KANSL1L: variants seen among roughly 807,000 people sequenced by gnomAD.
The protein encoded by KANSL1L is KAT8 regulatory NSL complex subunit 1 like.
In KANSL1L, 25 loss-of-function variants were observed where a neutral mutation model predicts 108.6. The observed-to-expected ratio is 0.23, with a 90% CI of 0.17 to 0.32. KANSL1L has a LOEUF of 0.32. Ranked by LOEUF, KANSL1L falls within the 10% of genes least tolerant of loss-of-function variation. KANSL1L has a pLI of 1.00. For synonymous variants in KANSL1L, 405 were observed against 395.1 expected, an observed-to-expected ratio of 1.03 and a Z score of -0.30; for missense variants, 1,137 against 1,125.7, an observed-to-expected ratio of 1.01 and a Z score of -0.14.
chr2:210,115,269 CAG>C (rs2094943410), intron 3 of KANSL1L, among the ~76,000 whole-genome samples: 1 of 151,906 alleles, frequency 6.6e-6, no homozygotes, highest in African/African-American at 2.4e-5. Context: ...TCAGACAAAA[CAG>C]ATTTTAAATT....
chr2:210,078,201 T>C (rs191935177), intron 5 of KANSL1L, among the ~76,000 whole-genome samples: 35 of 152,322 alleles, frequency 2.3e-4, no homozygotes, highest in African/African-American at 7.0e-4. Flanking sequence ...TGCATTGCTC[T>C]ACAACATTAT....
Position 210,153,882 on chromosome 2 carries a change from A to G in KANSL1L, c.701T>C (p.Leu234Ser), listed in dbSNP as rs2095318553. ...LLHCVSKQKI[L>S]LSQARRTQKH... ...CTGAGTTCTTCTAGCCTGGCTAAGT[A>G]AAATTTTCTGTTTGCTTACACAATG... The change falls in exon 2 of 15, where the codon TTA becomes TCA. Residue 234 changes from leucine to serine, a missense_variant. Coordinates refer to ENST00000281772, the MANE Select transcript of KANSL1L (RefSeq NM_152519.4). The G allele has an allele frequency of 6.2e-7, 1 of 1,612,486 alleles. No homozygotes were observed. Among genetic ancestry groups the G allele is most frequent in the Non-Finnish European group, 8.5e-7 (1 of 1,179,668 alleles).
intron 3 of KANSL1L, among the ~76,000 whole-genome samples, chr2:210,126,659 T>C (rs550386900): frequency 6.6e-6 from 1 of 151,990 alleles, no homozygotes; most frequent in Admixed American, 6.5e-5. Flanking sequence ...CTACTAAAAA[T>C]ACAAAAATTT....
chr2:210,027,190 T>C, intron 12 of KANSL1L, 106 bp downstream of exon 12: 2 of 679,008 alleles, frequency 2.9e-6, no homozygotes, highest in South Asian at 4.1e-5. Flanking sequence ...AAAAAATCAG[T>C]GTAAGTTAAA....
intron 5 of KANSL1L, among the ~76,000 whole-genome samples, chr2:210,082,907 C>T (rs1174710097): frequency 1.3e-5 from 2 of 152,194 alleles, no homozygotes; most frequent in Non-Finnish European, 2.9e-5. Context: ...CCCACACCCA[C>T]TAAACTGGGT....
At chr2:210,061,507 A>G (rs2094419897) in intron 6 of KANSL1L, among the ~76,000 whole-genome samples, 1 of 152,242 alleles carries the variant, frequency 6.6e-6, no homozygotes, top group African/African-American at 2.4e-5. Context: ...GTGAAATTTT[A>G]AAGAATGCTA....
intron 6 of KANSL1L, among the ~76,000 whole-genome samples, chr2:210,070,127 T>C (rs1331208996): frequency 1.3e-5 from 2 of 148,344 alleles, no homozygotes; most frequent in Admixed American, 6.7e-5. Flanking sequence ...CTGTGTCTGC[T>C]TGGCCCCTGA....
At chr2:210,023,201 G>A (rs750027486) in intron 14 of KANSL1L, 22 bp from the exon 15 acceptor site, 2 of 1,575,490 alleles carry the variant, frequency 1.3e-6, no homozygotes, top group Middle Eastern at 1.7e-4. Flanking sequence ...AAAATTTTCA[G>A]TTAAGTTTCA....
At chr2:210,060,468 G>C (rs1575447189) in intron 6 of KANSL1L, among the ~76,000 whole-genome samples, 1 of 152,174 alleles carries the variant, frequency 6.6e-6, no homozygotes, top group Non-Finnish European at 1.5e-5. Context: ...GAAATGGCTT[G>C]TGGATTACAT....
At chr2:210,089,908 A>G (rs563283106) in intron 5 of KANSL1L, among the ~76,000 whole-genome samples, 5 of 152,120 alleles carry the variant, frequency 3.3e-5, no homozygotes, top group African/African-American at 7.2e-5. Flanking sequence ...ACTTCTAGTA[A>G]CTGTATAATG....
At chr2:210,163,305 T>C (rs939215111) in intron 1 of KANSL1L, among the ~76,000 whole-genome samples, 1 of 151,946 alleles carries the variant, frequency 6.6e-6, no homozygotes, top group Non-Finnish European at 1.5e-5. Context: ...AGAAGAGAGA[T>C]GGAAATTCTA....
chr2:210,168,212 T>C (rs890193377), intron 1 of KANSL1L, among the ~76,000 whole-genome samples: 1 of 152,054 alleles, frequency 6.6e-6, no homozygotes, highest in Non-Finnish European at 1.5e-5. Context: ...GCAGCCCCAT[T>C]CCTTTCTGTT....
chr2:210,026,812 C>T (rs1241725869), intron 12 of KANSL1L, among the ~76,000 whole-genome samples: 3 of 151,990 alleles, frequency 2.0e-5, no homozygotes, highest in Non-Finnish European at 4.4e-5. Context: ...GCTCTGTTGC[C>T]CAGGCTGGAG....
chr2:210,050,548 C>T (rs1486831451), intron 6 of KANSL1L, among the ~76,000 whole-genome samples: 1 of 151,988 alleles, frequency 6.6e-6, no homozygotes, highest in African/African-American at 2.4e-5. Flanking sequence ...GCAGGGGATA[C>T]AGTGGATGCC....
At chr2:210,171,696 T>A (rs1688353387), upstream of KANSL1L, 1 of 150,638 alleles carries the variant, frequency 6.6e-6, no homozygotes, top group South Asian at 2.1e-4. Context: ...TTCCCACCCC[T>A]GCTTTGCTAT....
intron 6 of KANSL1L, among the ~76,000 whole-genome samples, chr2:210,052,858 G>C (rs923586743): frequency 6.6e-6 from 1 of 152,178 alleles, no homozygotes; most frequent in African/African-American, 2.4e-5. Flanking sequence ...TAATAAGTAG[G>C]CTATTCTAAA....
intron 7 of KANSL1L, among the ~76,000 whole-genome samples, chr2:210,041,957 C>T (rs13426138): frequency 0.041 from 6,226 of 152,206 alleles, 419 homozygotes; most frequent in African/African-American, 0.14. Context: ...GGAATAAAAA[C>T]TAAATATTCT....
upstream of KANSL1L, chr2:210,171,558 C>G (rs1223328169): frequency 2.6e-5 from 4 of 152,538 alleles, no homozygotes; most frequent in African/African-American, 4.8e-5. Context: ...GAGCACGACT[C>G]CCTTAACTCT....
intron 1 of KANSL1L, among the ~76,000 whole-genome samples, chr2:210,164,583 C>G (rs1355421873): frequency 6.6e-6 from 1 of 151,978 alleles, no homozygotes; most frequent in Non-Finnish European, 1.5e-5. Context: ...GGTCCCTTTT[C>G]TAAAAGAATT....
Sources: gnomAD v4.1 joint callset for allele counts (sites outside exome capture counted in the v4.1 genomes callset) on GRCh38, gnomAD v4.1.1 for gene constraint, MANE v1.5 for transcripts, NCBI Gene and HGNC (gene_info 2026-07-23, HGNC 2026-07-21) for gene names.